The following FAT3 variants were observed in gnomAD, a reference collection of about 807,000 sequenced individuals.
FAT3 encodes FAT atypical cadherin 3, also known as protocadherin Fat 3.
A neutral mutation model predicts 310.2 loss-of-function variants in FAT3; 95 were observed. That is an observed-to-expected ratio of 0.31 (90% confidence interval 0.26 to 0.36). The LOEUF is 0.36. Among genes scored for constraint, FAT3 ranks in the 10% least tolerant of loss-of-function variants. The pLI, the probability that FAT3 is intolerant of heterozygous loss-of-function variation, is 1.00. For synonymous variants in FAT3, 2,314 were observed against 2,192.9 expected (o/e 1.06, Z -1.54); for missense variants, 5,408 against 5,715.6 (o/e 0.95, Z 1.74).
chr11:92,306,004 A>G (rs886256319), intron 1 of FAT3, among the ~76,000 whole-genome samples: 1 of 152,144 alleles, frequency 6.6e-6, no homozygotes, highest in Non-Finnish European at 1.5e-5. Flanking sequence ...GGAAAAGCTG[A>G]GTAAAGGGTA....
intron 2 of FAT3, among the ~76,000 whole-genome samples, chr11:92,391,103 G>A (rs1029388988): frequency 1.8e-4 from 28 of 152,170 alleles, no homozygotes; most frequent in African/African-American, 6.8e-4. Flanking sequence ...ACTCCAAGTA[G>A]CCTAAGGCTG....
intron 3 of FAT3, among the ~76,000 whole-genome samples, chr11:92,614,316 A>T (rs1002014668): frequency 6.6e-6 from 1 of 152,220 alleles, no homozygotes; most frequent in Non-Finnish European, 1.5e-5. Flanking sequence ...CATTCTAAGT[A>T]ACTGCCAGAC....
rs372891639 is a variant in FAT3 at position 92,502,392 on chromosome 11, T to C, written c.3293-22242T>C. 1.5e-4 allele frequency among the ~76,000 whole-genome samples: 23 copies of C among 152,166 alleles called. No homozygotes were observed. In the South Asian group the frequency reaches 4.1e-3, roughly 27 times the overall value. ...TAGTTCTTTGTTCTGAGCAGGCCAA[T>C]GCATCAGGAGTATTGCATTAGAAGA... On this transcript the variant is annotated intron_variant, in intron 2 of 27. Transcript: ENST00000525166.
At chr11:92,381,554 T>C (rs1949496139) in intron 2 of FAT3, among the ~76,000 whole-genome samples, 1 of 152,180 alleles carries the variant, frequency 6.6e-6, no homozygotes, top group African/African-American at 2.4e-5. Context: ...GGTGGGTGCA[T>C]TCACATTTGT....
intron 3 of FAT3, among the ~76,000 whole-genome samples, chr11:92,531,866 C>A (rs1160954421): frequency 2.0e-5 from 3 of 152,012 alleles, no homozygotes; most frequent in Non-Finnish European, 2.9e-5. Context: ...TCGTGGGGAG[C>A]TGTTCTATAT....
intron 3 of FAT3, among the ~76,000 whole-genome samples, chr11:92,672,488 C>T (rs1289545883): frequency 6.6e-6 from 1 of 152,154 alleles, no homozygotes; most frequent in Admixed American, 6.6e-5. Flanking sequence ...AATGGAAAGT[C>T]TCTGGAAACC....
chr11:92,536,448 G>C (rs1954262316), intron 3 of FAT3, among the ~76,000 whole-genome samples: 2 of 152,176 alleles, frequency 1.3e-5, no homozygotes, highest in Non-Finnish European at 1.5e-5. Context: ...TGTTGGGCAA[G>C]TGACTTCTCT....
At chr11:92,585,812 CTTTG>C (rs1321049423) in intron 3 of FAT3, among the ~76,000 whole-genome samples, 1 of 129,124 alleles carries the variant, frequency 7.7e-6, no homozygotes, top group Non-Finnish European at 1.6e-5. Flanking sequence ...CCTCCTCCTC[CTTTG>C]TTTGCTTTCC....
rs561615587 is a variant in FAT3 at position 92,545,139 on chromosome 11, G to C, written c.3607+20191G>C. Among the ~76,000 whole-genome samples the C allele has an allele frequency of 1.1e-4, 16 of 152,144 alleles. 2 individuals are homozygous for C. The South Asian group carries it at 2.7e-3, about 26-fold the overall frequency. On this transcript the variant is annotated intron_variant, in intron 3 of 27. Transcript: ENST00000525166. ...TTGCCCCAAGGCTGTTGCTGTTCCT[G>C]CTGCCTGAACCTCTCTTCTTCTTGA...
chr11:92,524,870 T>G lies in FAT3; in HGVS notation c.3529T>G (p.Ser1177Ala), dbSNP rs761356924. 1 of 1,613,890 alleles carries G rather than the reference T, an allele frequency of 6.2e-7. No individual in the cohort carries two copies. Among genetic ancestry groups the G allele is most frequent in the South Asian group, 1.1e-5 (1 of 91,074 alleles). Reference protein sequence around the residue: ...VIQIQAEDPDSSSNEKLTYRI... With the variant: ...VIQIQAEDPDASSNEKLTYRI... Reference sequence around the variant, plus strand: ...TCAGATCCAGGCTGAAGATCCTGACTCCAGTTCCAATGAAAAACTGACATA... The same window carrying G: ...TCAGATCCAGGCTGAAGATCCTGACGCCAGTTCCAATGAAAAACTGACATA... Residue 1177 changes from serine to alanine, a missense_variant, in exon 3 of 28, where the codon TCC becomes GCC. Coordinates refer to ENST00000525166, the MANE Select transcript of FAT3 (RefSeq NM_001367949.2).
intron 22 of FAT3, 110 bp from the exon 23 acceptor site, chr11:92,880,621 C>G: frequency 7.9e-7 from 1 of 1,263,174 alleles, no homozygotes; most frequent in Non-Finnish European, 1.1e-6. Flanking sequence ...AATTTGGGCC[C>G]TTCCTATTAT....
At chr11:92,845,793 G>T (rs920335828) in intron 19 of FAT3, among the ~76,000 whole-genome samples, 2 of 152,140 alleles carry the variant, frequency 1.3e-5, no homozygotes, top group Admixed American at 6.5e-5. Flanking sequence ...GCAGGGCCCC[G>T]GCCTCTTCCC....
intron 2 of FAT3, among the ~76,000 whole-genome samples, chr11:92,371,550 T>C (rs928989552): frequency 3.3e-5 from 5 of 152,172 alleles, no homozygotes; most frequent in South Asian, 2.1e-4. Context: ...ACACCATCTC[T>C]ACTAAAAAAT....
intron 3 of FAT3, among the ~76,000 whole-genome samples, chr11:92,579,091 T>C (rs1938647947): frequency 6.6e-6 from 1 of 152,112 alleles, no homozygotes; most frequent in East Asian, 1.9e-4. Flanking sequence ...AAATCCAGAT[T>C]AATCTAAAAG....
intron 2 of FAT3, among the ~76,000 whole-genome samples, chr11:92,439,538 G>T (rs1458933409): frequency 2.6e-5 from 4 of 152,100 alleles, no homozygotes; most frequent in African/African-American, 7.2e-5. Context: ...ATATGACAGG[G>T]TGTCTGCCTT....
intron 3 of FAT3, among the ~76,000 whole-genome samples, chr11:92,681,824 T>G (rs1321561657): frequency 6.6e-6 from 1 of 152,194 alleles, no homozygotes; most frequent in African/African-American, 2.4e-5. Flanking sequence ...TGCACTTTTC[T>G]GAAGCAGTAT....
At chr11:92,369,653 T>A (rs1949131156) in intron 2 of FAT3, among the ~76,000 whole-genome samples, 1 of 152,082 alleles carries the variant, frequency 6.6e-6, no homozygotes. Context: ...ATCGAGACCA[T>A]CCTGGTCAAC....
intron 4 of FAT3, among the ~76,000 whole-genome samples, chr11:92,717,375 A>G (rs958705664): frequency 4.6e-5 from 7 of 152,166 alleles, no homozygotes; most frequent in Admixed American, 1.3e-4. Context: ...CATATATACA[A>G]TTGTGGGTGT....
chr11:92,587,514 TA>T (rs1939216352), intron 3 of FAT3, among the ~76,000 whole-genome samples: 2 of 152,180 alleles, frequency 1.3e-5, no homozygotes, highest in South Asian at 4.1e-4. Context: ...TTGCACAGAC[TA>T]AAATGTCCCC....
Sources: allele counts gnomAD v4.1 joint callset (sites outside exome capture counted in the v4.1 genomes callset), GRCh38; gene constraint gnomAD v4.1.1; transcripts MANE v1.5; gene names NCBI Gene and HGNC (gene_info 2026-07-23, HGNC 2026-07-21).